The following MBNL2 variants were observed in gnomAD, a reference collection of about 807,000 sequenced individuals.
MBNL2 encodes the protein muscleblind-like protein 2.
MBNL2 carries 17 observed loss-of-function variants against 41.9 expected under a neutral mutation model. That is an observed-to-expected ratio of 0.41 (90% CI 0.28 to 0.61). The LOEUF (loss-of-function observed/expected upper bound fraction) is 0.61. Among genes scored for constraint, MBNL2 ranks in the 20% least tolerant of loss-of-function variants. The pLI, the probability that MBNL2 is intolerant of heterozygous loss-of-function variation, is 0.35. For synonymous variants in MBNL2, 195 were observed against 182.9 expected (o/e 1.07, Z -0.53); for missense variants, 336 against 505.6 (o/e 0.66, Z 3.22).
chr13:97,331,927 A>C (rs2060471764), intron 2 of MBNL2, among the ~76,000 whole-genome samples: 2 of 152,356 alleles, frequency 1.3e-5, no homozygotes, highest in South Asian at 4.1e-4. Context: ...TCAAGAGATA[A>C]GAGCATTTAT....
chr13:97,286,645 C>T (rs2054508169), intron 2 of MBNL2, among the ~76,000 whole-genome samples: 1 of 152,292 alleles, frequency 6.6e-6, no homozygotes, highest in Non-Finnish European at 1.5e-5. Flanking sequence ...GCATTTCTGG[C>T]CCCACAGATC....
At chr13:97,373,607 T>A (rs991905338) in intron 8 of MBNL2, among the ~76,000 whole-genome samples, 26 of 147,178 alleles carry the variant, frequency 1.8e-4, no homozygotes, top group South Asian at 2.1e-4. Context: ...ATGCTAAAAA[T>A]ATATATATAT....
intron 2 of MBNL2, among the ~76,000 whole-genome samples, chr13:97,283,245 G>A (rs201228687): frequency 6.6e-6 from 1 of 151,828 alleles, no homozygotes; most frequent in African/African-American, 2.4e-5. Flanking sequence ...CATCAGCTCT[G>A]AAAGCTTATC....
intron 2 of MBNL2, among the ~76,000 whole-genome samples, chr13:97,319,427 G>C (rs572790725): frequency 1.3e-5 from 2 of 152,086 alleles, no homozygotes; most frequent in African/African-American, 4.8e-5. Flanking sequence ...GAATAGGCAG[G>C]GTGGTCGTGA....
chr13:97,247,129 T>C (rs1389052137), intron 1 of MBNL2, among the ~76,000 whole-genome samples: 1 of 152,242 alleles, frequency 6.6e-6, no homozygotes, highest in African/African-American at 2.4e-5. Context: ...CACAATTCTA[T>C]GTAAATGCCA....
At chr13:97,356,094 C>A (rs574883727) in intron 5 of MBNL2, among the ~76,000 whole-genome samples, 5 of 152,156 alleles carry the variant, frequency 3.3e-5, no homozygotes, top group Admixed American at 6.5e-5. Flanking sequence ...AAATTCAAGG[C>A]ACTAAATTTG....
At chr13:97,367,362 C>A (rs2063934408) in intron 8 of MBNL2, among the ~76,000 whole-genome samples, 1 of 152,220 alleles carries the variant, frequency 6.6e-6, no homozygotes, top group South Asian at 2.1e-4. Context: ...CAGAAACTCT[C>A]ACCTCGCCTG....
At chr13:97,244,328 G>A (rs1440238487) in intron 1 of MBNL2, among the ~76,000 whole-genome samples, 3 of 152,166 alleles carry the variant, frequency 2.0e-5, no homozygotes, top group African/African-American at 7.2e-5. Flanking sequence ...AACACAAGCT[G>A]TAATTTTGAA....
chr13:97,359,738 C>T (rs1259555791), intron 7 of MBNL2, among the ~76,000 whole-genome samples: 1 of 151,926 alleles, frequency 6.6e-6, no homozygotes, highest in East Asian at 1.9e-4. Flanking sequence ...GGTCCTAGCG[C>T]ACCAATACAG....
Position 97,268,973 on chromosome 13 carries a change from T to A in MBNL2, c.-604-6659T>A, listed in dbSNP as rs115281641. Among the ~76,000 whole-genome samples, 952 of 152,202 alleles carry A rather than the reference T, an allele frequency of 6.3e-3. 8 individuals carry two copies. Among genetic ancestry groups the A allele is most frequent in the African/African-American group, 0.022 (906 of 41,526 alleles). On this transcript the variant is annotated intron_variant, in intron 1 of 8. Transcript: ENST00000679496. The surrounding 1 kb of genome is among the most constrained non-coding windows in gnomAD (Gnocchi z 4.6). Reference sequence around the variant, plus strand: ...GGGCGCTGTTCCGGATGCAGGCCCGTGAGGAGGGCCTGCCGGAGGGTGGCT... The same window carrying A: ...GGGCGCTGTTCCGGATGCAGGCCCGAGAGGAGGGCCTGCCGGAGGGTGGCT...
chr13:97,366,168 A>T lies in MBNL2; in HGVS notation c.1048+997A>T, dbSNP rs1450596982. 1.3e-5 allele frequency among the ~76,000 whole-genome samples: 2 copies of T among 152,236 alleles called. No homozygotes were observed. Among genetic ancestry groups the T allele is most frequent in the African/African-American group, 4.8e-5 (2 of 41,464 alleles). ...TATACACTGAATTGGGAATGGATCTATTGTTAGAAATAAAATGTTTATAAA... is the reference window on the plus strand; with the variant it reads ...TATACACTGAATTGGGAATGGATCTTTTGTTAGAAATAAAATGTTTATAAA... On this transcript the variant is annotated intron_variant, in intron 8 of 8. Transcript: ENST00000679496. This position sits in a 1 kb window ranked among gnomAD's most constrained non-coding sequence, Gnocchi z 4.7.
chr13:97,347,042 C>T lies in MBNL2; in HGVS notation c.779C>T (p.Ala260Val). The change falls in exon 5 of 9, where the codon GCA becomes GTA. Residue 260 changes from alanine (A) to valine (V), a missense_variant. Ala to Val is a moderately conservative substitution (Grantham distance 64). Transcript: ENST00000679496. The part of the protein sequence containing the change: ...QANQAAVAAQ[A>V]AAAAATVMTQ... ...AACCAAGCTGCGGTGGCCGCCCAGG[C>T]AGCCGCGGCCGCGGCCACAGTCATG... is the stretch of plus-strand genomic sequence containing the variant. The T allele has an allele frequency of 6.2e-7, 1 of 1,607,912 alleles. No individual in the cohort carries two copies. The highest frequency in any genetic ancestry group is 8.5e-7 in the Non-Finnish European group (1 of 1,177,536).
intron 7 of MBNL2, among the ~76,000 whole-genome samples, chr13:97,361,168 T>C (rs2063360960): frequency 6.6e-6 from 1 of 151,608 alleles, no homozygotes; most frequent in Non-Finnish European, 1.5e-5. Context: ...TATTCGAGAG[T>C]GAAGGAGAGG....
intron 1 of MBNL2, among the ~76,000 whole-genome samples, chr13:97,242,343 C>T (rs1317524759): frequency 2.6e-5 from 4 of 152,194 alleles, no homozygotes; most frequent in Non-Finnish European, 4.4e-5. Flanking sequence ...GCAACTGAGA[C>T]ACAGCCTGTG....
the MBNL2 span, among the ~76,000 whole-genome samples, chr13:97,213,962 A>G: frequency 2.6e-5 from 4 of 152,328 alleles, no homozygotes; most frequent in East Asian, 1.9e-4. Flanking sequence ...GGAGATGACA[A>G]TGTCTTCATC....
chr13:97,255,724 T>A (rs1285645136), intron 1 of MBNL2, among the ~76,000 whole-genome samples: 1 of 152,224 alleles, frequency 6.6e-6, no homozygotes, highest in Admixed American at 6.5e-5. Context: ...TTCAAGAAAC[T>A]GTTTAGGACC....
At chr13:97,278,123 T>C (rs2052555025) in intron 2 of MBNL2, among the ~76,000 whole-genome samples, 1 of 151,480 alleles carries the variant, frequency 6.6e-6, no homozygotes, top group Non-Finnish European at 1.5e-5. Flanking sequence ...GGCATGGTGG[T>C]GCATGCCTGT....
intron 1 of MBNL2, among the ~76,000 whole-genome samples, chr13:97,253,417 A>T (rs2046946950): frequency 6.6e-6 from 1 of 152,214 alleles, no homozygotes; most frequent in South Asian, 2.1e-4. Flanking sequence ...AATAGATGAT[A>T]TCAAGTGAAA....
chr13:97,318,970 C>T (rs1460734084), intron 2 of MBNL2, among the ~76,000 whole-genome samples: 1 of 152,168 alleles, frequency 6.6e-6, no homozygotes, highest in East Asian at 1.9e-4. Flanking sequence ...GAAAAATTAG[C>T]AGGTATCTAC....
Sources: allele counts gnomAD v4.1 joint callset (sites outside exome capture counted in the v4.1 genomes callset), GRCh38; gene constraint gnomAD v4.1.1; non-coding constraint Gnocchi (gnomAD v3.1); transcripts MANE v1.5; gene names NCBI Gene and HGNC (gene_info 2026-07-23, HGNC 2026-07-21).